Variants in SZT2 observed in about 807,000 individuals in gnomAD.
SZT2 encodes the protein SZT2 subunit of KICSTOR complex, also known as KICSTOR complex protein SZT2.
SZT2 carries 216 observed loss-of-function variants against 404.2 expected under a neutral mutation model. The ratio of observed to expected loss-of-function variants is 0.53; its 90% confidence interval spans 0.48 to 0.60. The LOEUF (loss-of-function observed/expected upper bound fraction) is 0.60, where lower values mean the gene tolerates loss of function less well. Among genes scored for constraint, SZT2 ranks in the 20% least tolerant of loss-of-function variants. The probability of loss-of-function intolerance (pLI) is 0.00; values close to 1 mark genes in which losing one functional copy is unlikely to be tolerated. For synonymous variants in SZT2, 1,693 were observed against 1,749.9 expected, an observed-to-expected ratio of 0.97 and a Z score of 0.81; for missense variants, 3,857 against 4,459.2, an observed-to-expected ratio of 0.86 and a Z score of 3.85.
chr1:43,399,981 C>T (rs1649489813), intron 1 of SZT2, among the ~76,000 whole-genome samples: 1 of 151,312 alleles, frequency 6.6e-6, no homozygotes, highest in South Asian at 2.1e-4. Flanking sequence ...CTGTTTTGCC[C>T]AGGCTGGAGT....
chr1:43,410,704 G>C (rs1650932694), intron 4 of SZT2: 1 of 152,050 alleles, frequency 6.6e-6, no homozygotes, highest in Non-Finnish European at 1.5e-5. Context: ...TCAATATCCT[G>C]CTCTATTTAA....
intron 62 of SZT2, among the ~76,000 whole-genome samples, chr1:43,444,315 T>A (rs557122766): frequency 6.6e-6 from 1 of 152,198 alleles, no homozygotes; most frequent in Admixed American, 6.5e-5. Flanking sequence ...TAGACTGGTC[T>A]TGAACTCCTC....
In SZT2 at chr1:43,439,093, A is replaced by G. The variant is rs1490863836; in HGVS notation, c.6792A>G (p.Gln2264=). ...ATAGCAACAGCCGGAACCACTTCCA[A>G]GTGAGATGGCACTCATCTCTCTCCA... The part of the protein sequence containing the change: ...YTDSNSRNHF[Q]HPLPPQGGLP... The change falls in exon 48 of 72, where the codon CAA becomes CAG. Residue 2264 remains glutamine (Q), a splice_region_variant and synonymous_variant. Transcript: ENST00000634258. The surrounding 1 kb of genome is among the most constrained non-coding windows in gnomAD (Gnocchi z 4.2). 1.9e-6 allele frequency: 3 copies of G among 1,614,146 alleles called. No individual in the cohort carries two copies. Among genetic ancestry groups the G allele is most frequent in the Middle Eastern group, 1.6e-4 (1 of 6,062 alleles).
Position 43,424,065 on chromosome 1 carries a change from A to G in SZT2, c.2256-152A>G, listed in dbSNP as rs925272834. 6.6e-6 allele frequency among the ~76,000 whole-genome samples: 1 copy of G among 151,016 alleles called. No homozygotes were observed. Among genetic ancestry groups the G allele is most frequent in the African/African-American group, 2.4e-5 (1 of 40,920 alleles). On this transcript the variant is annotated intron_variant, in intron 15 of 71. Coordinates refer to ENST00000634258, the MANE Select transcript of SZT2 (RefSeq NM_001365999.1). This position sits in a 1 kb window ranked among gnomAD's most constrained non-coding sequence, Gnocchi z 4.1. ...TGGCTTAGCCGGGTATGAGTGGTACAGAGGTGTGGAAGGGCGTGGCTTAGC... is the reference window on the plus strand; with the variant it reads ...TGGCTTAGCCGGGTATGAGTGGTACGGAGGTGTGGAAGGGCGTGGCTTAGC...
At chr1:43,393,529 A>C (rs1170883147) in intron 1 of SZT2, among the ~76,000 whole-genome samples, 3 of 152,236 alleles carry the variant, frequency 2.0e-5, no homozygotes, top group Non-Finnish European at 4.4e-5. Context: ...AGGCTGGAGA[A>C]GATGCAGCTT....
Position 43,423,169 on chromosome 1 carries a change from C to T in SZT2, c.2108C>T (p.Thr703Met), listed in dbSNP as rs759109477. The change falls in exon 15 of 72, where the codon ACG becomes ATG. Residue 703 changes from threonine to methionine, a missense_variant. Coordinates refer to ENST00000634258, the MANE Select transcript of SZT2 (RefSeq NM_001365999.1). ...FPHRVQSKEP[T>M]PKVKRKGLGG... Reference sequence around the variant, plus strand: ...CACCGGGTACAAAGCAAGGAGCCAACGCCCAAGGTGAAACGAAAAGGGCTA... The same window carrying T: ...CACCGGGTACAAAGCAAGGAGCCAATGCCCAAGGTGAAACGAAAAGGGCTA... 2.3e-5 allele frequency: 36 copies of T among 1,597,270 alleles called. No individual in the cohort carries two copies. Among genetic ancestry groups the T allele is most frequent in the South Asian group, 3.3e-5 (3 of 90,892 alleles).
At position 43,426,973 on chromosome 1, in the gene SZT2, T is replaced by C. The variant is rs1653228300; in HGVS notation, c.3310-83T>C. Reference sequence around the variant, plus strand: ...TGGATCTTTCAAGCTATACCTAAGATGAGTCAGCTCTAGGGTGGAGGAGGG... The same window carrying C: ...TGGATCTTTCAAGCTATACCTAAGACGAGTCAGCTCTAGGGTGGAGGAGGG... On this transcript the variant is annotated intron_variant, in intron 23 of 71. Transcript: ENST00000634258. This position sits in a 1 kb window ranked among gnomAD's most constrained non-coding sequence, Gnocchi z 4.9. 4 of 1,585,926 alleles carry C rather than the reference T, an allele frequency of 2.5e-6. No individual in the cohort carries two copies. The Admixed American group carries it at 5.1e-5, about 20-fold the overall frequency.
At position 43,453,668 on chromosome 1, in the gene SZT2, C is replaced by T; in HGVS notation, c.*3188C>T. On this transcript the variant is annotated 3_prime_UTR_variant, in exon 72 of 72. Coordinates refer to ENST00000634258, the MANE Select transcript of SZT2 (RefSeq NM_001365999.1). ...CGCGCGCCAGCGCCTCAGGCGTCTC[C>T]GCGTACGGCCAGGCCACCTCGACGG... 8 of 1,481,184 alleles carry T rather than the reference C, an allele frequency of 5.4e-6. No homozygotes were observed. Among genetic ancestry groups the T allele is most frequent in the Non-Finnish European group, 6.2e-6 (7 of 1,124,160 alleles). 91.8% of individuals were successfully genotyped at this position (1,481,184 alleles called of 1,614,324 possible). A position where few individuals can be genotyped will look rare whatever the true frequency, so the allele number is the denominator to read the frequency against.
rs903590791 is a variant in SZT2, at chr1:43,440,673, A to G, written c.7344+87A>G. 16 of 1,449,236 alleles carry G rather than the reference A, an allele frequency of 1.1e-5. No individual in the cohort carries two copies. The South Asian group carries it at 1.2e-4, about 11-fold the overall frequency. 89.8% of individuals were successfully genotyped at this position (1,449,236 alleles called of 1,614,324 possible). On this transcript the variant is annotated intron_variant, in intron 52 of 71. Coordinates refer to ENST00000634258, the MANE Select transcript of SZT2 (RefSeq NM_001365999.1). The stretch of plus-strand genomic sequence containing the variant: ...ACTCCCTCCTGCTTCCCAGTCCCCC[A>G]TAGGCCTTGCCACAGTGTCCTTTCA...
rs752181797 is a variant in SZT2, at chr1:43,450,180, G to A, written c.10155+9G>A. The stretch of plus-strand genomic sequence containing the variant: ...CCCACTTAGGAAAGACGGTAAGAAC[G>A]AGTGGGGGGCTTTGTGTCAGCCTCA... On this transcript the variant is annotated intron_variant, in intron 71 of 71. Transcript: ENST00000634258. This position sits in a 1 kb window ranked among gnomAD's most constrained non-coding sequence, Gnocchi z 4.3. The A allele has an allele frequency of 1.7e-5, 27 of 1,613,992 alleles. No homozygotes were observed. Among genetic ancestry groups the A allele is most frequent in the Non-Finnish European group, 2.2e-5 (26 of 1,179,988 alleles).
rs780651341 is a variant in SZT2, at chr1:43,424,837, A to G, written c.2525A>G (p.Asn842Ser). The G allele has an allele frequency of 3.1e-6, 5 of 1,614,084 alleles. No homozygotes were observed. Among genetic ancestry groups the G allele is most frequent in the Non-Finnish European group, 4.2e-6 (5 of 1,179,966 alleles). ...HFACSGEGII[N>S]MVLELPIQNE... ...GCCTGCAGTGGGGAAGGAATCATCA[A>G]CATGGTTCTGGAGCTTCCAATTCAG... The change falls in exon 17 of 72, where the codon AAC (asparagine) becomes AGC (serine). Residue 842 changes from asparagine (N) to serine (S), a missense_variant. Asn to Ser is a conservative substitution (Grantham distance 46). Coordinates refer to ENST00000634258, the MANE Select transcript of SZT2 (RefSeq NM_001365999.1). The surrounding 1 kb of genome is among the most constrained non-coding windows in gnomAD (Gnocchi z 4.1).
chr1:43,433,014 A>C lies in SZT2; in HGVS notation c.5628A>C (p.Ser1876=). Reference sequence around the variant, plus strand: ...GTTATGATGGTGGCAGCAGTGGCTCAGACAGTGAGGGTCCCAATGACACCC... The same window carrying C: ...GTTATGATGGTGGCAGCAGTGGCTCCGACAGTGAGGGTCCCAATGACACCC... ...HLGYDGGSSG[S]DSEGPNDTLG... is the part of the protein sequence containing the mutation. Residue 1876 remains serine (S), a synonymous_variant, in exon 40 of 72, where the codon TCA becomes TCC. Coordinates refer to ENST00000634258, the MANE Select transcript of SZT2 (RefSeq NM_001365999.1). The C allele has an allele frequency of 6.2e-7, 1 of 1,614,060 alleles. No individual in the cohort carries two copies. The highest frequency in any genetic ancestry group is 8.5e-7 in the Non-Finnish European group (1 of 1,179,980).
chr1:43,449,433 G>A (rs540987426), intron 70 of SZT2: 3 of 159,908 alleles, frequency 1.9e-5, no homozygotes, highest in Admixed American at 1.8e-4. Flanking sequence ...GGGTCTCCCA[G>A]AGAAGCCAAG....
At chr1:43,434,874 A>G (rs1310785601) in intron 41 of SZT2, among the ~76,000 whole-genome samples, 1 of 152,220 alleles carries the variant, frequency 6.6e-6, no homozygotes, top group Non-Finnish European at 1.5e-5. Flanking sequence ...GAAGAATCCT[A>G]AAAGGAACAG....
At chr1:43,416,420 C>A in intron 6 of SZT2, 115 bp from the exon 7 acceptor site, 1 of 804,232 alleles carries the variant, frequency 1.2e-6, no homozygotes, top group Non-Finnish European at 2.0e-6. Context: ...GTTTATGAAA[C>A]TGCCGACATT....
chr1:43,407,463 C>T (rs1211244808), intron 4 of SZT2, among the ~76,000 whole-genome samples: 1 of 151,954 alleles, frequency 6.6e-6, no homozygotes, highest in Non-Finnish European at 1.5e-5. Flanking sequence ...TTGCCATGAG[C>T]CAAGATCACG....
chr1:43,443,334 A>T lies in SZT2; in HGVS notation c.8500-18A>T. The T allele has an allele frequency of 6.2e-7, 1 of 1,614,038 alleles. No homozygotes were observed. Among genetic ancestry groups the T allele is most frequent in the Non-Finnish European group, 8.5e-7 (1 of 1,179,986 alleles). On this transcript the variant is annotated intron_variant, in intron 60 of 71. Transcript: ENST00000634258. Reference sequence around the variant, plus strand: ...CCTGCCCCGTCACTGCTCCATGCTCACTGCCCTGTTTCCCCAGGCTGGAGA... The same window carrying T: ...CCTGCCCCGTCACTGCTCCATGCTCTCTGCCCTGTTTCCCCAGGCTGGAGA...
chr1:43,440,638 C>A, intron 52 of SZT2, 52 bp downstream of exon 52: 1 of 1,499,510 alleles, frequency 6.7e-7, no homozygotes, highest in Non-Finnish European at 8.9e-7. Context: ...TGCCTCCTAG[C>A]TCCTCCCACA....
At chr1:43,435,516 G>T (rs1170116465) in intron 42 of SZT2, among the ~76,000 whole-genome samples, 187 bp downstream of exon 42, 1 of 152,236 alleles carries the variant, frequency 6.6e-6, no homozygotes, top group Non-Finnish European at 1.5e-5. Flanking sequence ...GAGTTCATCA[G>T]TGATTTTCAT....
Sources: allele counts gnomAD v4.1 joint callset (sites outside exome capture counted in the v4.1 genomes callset), GRCh38; gene constraint gnomAD v4.1.1; non-coding constraint Gnocchi (gnomAD v3.1); transcripts MANE v1.5; gene names NCBI Gene and HGNC (gene_info 2026-07-23, HGNC 2026-07-21).